FAM47E: variants seen among roughly 807,000 people sequenced by gnomAD.
The protein encoded by FAM47E is protein FAM47E.
FAM47E carries 32 observed loss-of-function variants against 41.6 expected under a neutral mutation model. The observed-to-expected ratio is 0.77, with a 90% confidence interval of 0.58 to 1.03. The LOEUF (loss-of-function observed/expected upper bound fraction) is 1.03, where lower values mean the gene tolerates loss of function less well. Ranked by LOEUF, FAM47E falls within the 50% of genes least tolerant of loss-of-function variation. The pLI, the probability that FAM47E is intolerant of heterozygous loss-of-function variation, is 0.00. For missense variants in FAM47E, 424 were observed against 485.4 expected (o/e 0.87, Z 1.19); for synonymous variants, 184 against 188.7 (o/e 0.98, Z 0.20).
chr4:76,271,801 A>C lies in FAM47E; in HGVS notation c.870+33A>C, dbSNP rs777367803. 4 of 1,538,456 alleles carry C rather than the reference A, an allele frequency of 2.6e-6. No homozygotes were observed. The South Asian group carries it at 4.9e-5, about 19-fold the overall frequency. ...CAGAAGGGGACCAGACCGAAAATCA[A>C]AGAAAATTAAGTTGTATTGAAGTCT... is the stretch of plus-strand genomic sequence containing the variant. On this transcript the variant is annotated intron_variant, in intron 5 of 7. Coordinates refer to ENST00000424749, the MANE Select transcript of FAM47E (RefSeq NM_001136570.3).
At chr4:76,256,101 C>G in intron 1 of FAM47E, 77 bp from the exon 2 acceptor site, 1 of 1,459,586 alleles carries the variant, frequency 6.9e-7, no homozygotes, top group South Asian at 1.4e-5. Context: ...CTACCTCCTT[C>G]TCCCACCCAA....
intron 3 of FAM47E, 164 bp from the exon 4 acceptor site, chr4:76,268,496 T>A (rs1734739095): frequency 1.6e-6 from 1 of 626,094 alleles, no homozygotes; most frequent in Admixed American, 3.5e-5. Context: ...ATATTCGTAA[T>A]GAGAATGTGC....
At chr4:76,279,824 T>G (rs1242156507) in intron 6 of FAM47E, 2 of 152,896 alleles carry the variant, frequency 1.3e-5, no homozygotes, top group Admixed American at 1.3e-4. Flanking sequence ...TTATGTAAAC[T>G]TATGCATCCA....
intron 2 of FAM47E, chr4:76,236,732 A>T (rs1733593062): frequency 6.6e-6 from 1 of 152,006 alleles, no homozygotes; most frequent in African/African-American, 2.4e-5. Context: ...GGGTTTAAAA[A>T]TTTTCTGGTT....
chr4:76,234,753 G>GA (rs1286964993), intron 2 of FAM47E, among the ~76,000 whole-genome samples: 2 of 151,930 alleles, frequency 1.3e-5, no homozygotes, highest in Non-Finnish European at 2.9e-5. Flanking sequence ...TCTATGGAAG[G>GA]AAAAAAAATG....
rs958004453 is a variant in FAM47E at position 76,275,109 on chromosome 4, C to T, written c.871-2960C>T. On this transcript the variant is annotated intron_variant, in intron 5 of 7. Transcript: ENST00000424749. ...GATTGTTGAAGGTGGCAGGGTAAAT[C>T]TGGTCCCCATTCTGAAGTCCCTGTC... Among the ~76,000 whole-genome samples, 6 of 152,122 alleles carry T rather than the reference C, an allele frequency of 3.9e-5. No individual in the cohort carries two copies. In the East Asian group the frequency reaches 9.6e-4, roughly 24 times the overall value.
chr4:76,217,625 G>A (rs766694425), exon 2 of FAM47E: 76 of 643,942 alleles, frequency 1.2e-4, no homozygotes, highest in Admixed American at 8.5e-4. Context: ...TGTCTGTGCC[G>A]TGCGTCTTGT....
At chr4:76,248,845 G>A (rs188078251), upstream of FAM47E, among the ~76,000 whole-genome samples, 1 of 151,946 alleles carries the variant, frequency 6.6e-6, no homozygotes, top group Admixed American at 6.5e-5. Flanking sequence ...ATTAAATACA[G>A]TAATCAAGTG....
chr4:76,216,761 T>G (rs1330250754), intron 1 of FAM47E, among the ~76,000 whole-genome samples: 1 of 152,236 alleles, frequency 6.6e-6, no homozygotes, highest in Non-Finnish European at 1.5e-5. Context: ...TGAAAATCTC[T>G]TTCTTGGTTC....
At chr4:76,252,475 G>A (rs1734012558) in intron 1 of FAM47E, among the ~76,000 whole-genome samples, 1 of 152,172 alleles carries the variant, frequency 6.6e-6, no homozygotes, top group South Asian at 2.1e-4. Context: ...TGAGTAGAAG[G>A]CTAGTTCTCC....
chr4:76,214,738 G>C (rs1292650028), intron 1 of FAM47E, among the ~76,000 whole-genome samples: 4 of 152,164 alleles, frequency 2.6e-5, no homozygotes, highest in Admixed American at 6.5e-5. Context: ...CCCTTTACTA[G>C]TTTCTTTGCA....
At chr4:76,256,652 A>G (rs2110005761) in intron 2 of FAM47E, 129 bp downstream of exon 2, 1 of 1,209,114 alleles carries the variant, frequency 8.3e-7, no homozygotes, top group Non-Finnish European at 1.1e-6. Flanking sequence ...CTCCCCCAGG[A>G]TGCGAGTTCT....
At chr4:76,260,216 T>A (rs1192346015) in intron 2 of FAM47E, among the ~76,000 whole-genome samples, 1 of 152,150 alleles carries the variant, frequency 6.6e-6, no homozygotes, top group Admixed American at 6.6e-5. Context: ...AAAACAATTC[T>A]AAAATTCATA....
chr4:76,238,150 T>C (rs1578758964), intron 2 of FAM47E, among the ~76,000 whole-genome samples: 1 of 152,322 alleles, frequency 6.6e-6, no homozygotes, highest in East Asian at 1.9e-4. Context: ...CCATGATCCA[T>C]AAGGAAGGCT....
intron 2 of FAM47E, among the ~76,000 whole-genome samples, chr4:76,237,933 AC>A (rs1387126767): frequency 1.3e-5 from 2 of 152,336 alleles, no homozygotes; most frequent in South Asian, 4.1e-4. Context: ...CACCTCCAAC[AC>A]AGGGGATTAC....
chr4:76,277,447 C>T (rs1258953555), intron 5 of FAM47E, among the ~76,000 whole-genome samples: 5 of 151,456 alleles, frequency 3.3e-5, no homozygotes, highest in African/African-American at 9.7e-5. Context: ...GATCGTGCCA[C>T]TCACTGCACC....
intron 4 of FAM47E, among the ~76,000 whole-genome samples, chr4:76,270,589 A>AT (rs1455528616): frequency 6.6e-6 from 1 of 152,074 alleles, no homozygotes; most frequent in Non-Finnish European, 1.5e-5. Flanking sequence ...GGATTGCCTG[A>AT]TTTCCAGCGT....
At chr4:76,259,293 A>G (rs1022715784) in intron 2 of FAM47E, among the ~76,000 whole-genome samples, 1 of 152,210 alleles carries the variant, frequency 6.6e-6, no homozygotes, top group Admixed American at 6.5e-5. Context: ...GATTCCTCCA[A>G]TGTCATAACC....
chr4:76,261,872 A>G (rs1347628550), intron 2 of FAM47E, among the ~76,000 whole-genome samples: 1 of 152,224 alleles, frequency 6.6e-6, no homozygotes, highest in South Asian at 2.1e-4. Context: ...AAAAAAATAA[A>G]CATGAAAACA....
Sources: allele counts gnomAD v4.1 joint callset (sites outside exome capture counted in the v4.1 genomes callset), GRCh38; gene constraint gnomAD v4.1.1; transcripts MANE v1.5; gene names NCBI Gene and HGNC (gene_info 2026-07-23, HGNC 2026-07-21).